Variants in CDH4 observed in about 807,000 individuals in gnomAD.
CDH4 encodes the protein cadherin 4.
CDH4 carries 33 observed loss-of-function variants against 86.0 expected under a neutral mutation model. The observed-to-expected ratio is 0.38, with a 90% confidence interval of 0.29 to 0.51. The LOEUF is 0.51. Among genes scored for constraint, CDH4 ranks in the 20% least tolerant of loss-of-function variants. CDH4 has a pLI of 0.86. For missense variants in CDH4, 1,114 were observed against 1,307.4 expected, an observed-to-expected ratio of 0.85 and a Z score of 2.28; for synonymous variants, 555 against 549.4, an observed-to-expected ratio of 1.01 and a Z score of -0.14.
chr20:61,316,975 G>A (rs1313349800), intron 2 of CDH4, among the ~76,000 whole-genome samples: 4 of 151,916 alleles, frequency 2.6e-5, no homozygotes, highest in Non-Finnish European at 4.4e-5. Flanking sequence ...GACGTGCCTT[G>A]CAGTGGAGTG....
intron 2 of CDH4, among the ~76,000 whole-genome samples, chr20:61,416,006 T>TC (rs777884836): frequency 3.2e-5 from 4 of 126,102 alleles, no homozygotes; most frequent in South Asian, 5.5e-4. Context: ...GGCCTCTCCT[T>TC]CCTTTTTTTT....
At chr20:61,466,794 T>G (rs915218822) in intron 2 of CDH4, among the ~76,000 whole-genome samples, 4 of 150,382 alleles carry the variant, frequency 2.7e-5, no homozygotes. Flanking sequence ...GAGGTTGCAT[T>G]GAGCCAAGAA....
At chr20:61,279,713 G>A (rs900946364) in intron 2 of CDH4, among the ~76,000 whole-genome samples, 4 of 152,258 alleles carry the variant, frequency 2.6e-5, no homozygotes, top group African/African-American at 7.2e-5. Flanking sequence ...TCCAATTTCC[G>A]AGAAATGGGG....
chr20:61,312,861 C>T (rs1263763701), intron 2 of CDH4, among the ~76,000 whole-genome samples: 1 of 152,212 alleles, frequency 6.6e-6, no homozygotes, highest in African/African-American at 2.4e-5. Flanking sequence ...ATTTCCCACC[C>T]ATCCTCGGCT....
intron 2 of CDH4, among the ~76,000 whole-genome samples, chr20:61,655,976 GCTTC>G (rs1434593474): frequency 2.6e-5 from 4 of 152,360 alleles, no homozygotes; most frequent in Non-Finnish European, 4.4e-5. Flanking sequence ...GAGGGTGACA[GCTTC>G]AGATATCGTG....
intron 2 of CDH4, among the ~76,000 whole-genome samples, chr20:61,581,968 G>A (rs193051298): frequency 5.1e-4 from 78 of 152,320 alleles, no homozygotes; most frequent in Admixed American, 9.8e-4. Context: ...GGGTCCCAGC[G>A]TTCGGCATGG....
At chr20:61,522,618 C>T (rs1183039060) in intron 2 of CDH4, among the ~76,000 whole-genome samples, 4 of 152,196 alleles carry the variant, frequency 2.6e-5, no homozygotes, top group African/African-American at 4.8e-5. Context: ...GATTCATTTT[C>T]CCCCCAGCCA....
chr20:61,749,035 A>G (rs1037321577), intron 3 of CDH4, among the ~76,000 whole-genome samples: 1 of 130,304 alleles, frequency 7.7e-6, no homozygotes, highest in South Asian at 2.7e-4. Context: ...GTAAAATCCT[A>G]GAGAAATAAA....
chr20:61,385,838 G>T (rs1232018236), intron 2 of CDH4, among the ~76,000 whole-genome samples: 3 of 151,780 alleles, frequency 2.0e-5, no homozygotes, highest in Non-Finnish European at 2.9e-5. Context: ...TACTCAAAGA[G>T]CCCCCGAGTG....
At chr20:61,593,649 T>G (rs1297353554) in intron 2 of CDH4, among the ~76,000 whole-genome samples, 2 of 152,144 alleles carry the variant, frequency 1.3e-5, no homozygotes, top group Admixed American at 1.3e-4. Context: ...TGTTGAATGG[T>G]GGATTTTTTT....
intron 2 of CDH4, among the ~76,000 whole-genome samples, chr20:61,635,839 G>A (rs895183060): frequency 1.3e-5 from 2 of 152,048 alleles, no homozygotes; most frequent in African/African-American, 2.4e-5. Flanking sequence ...GAGCCTGCCC[G>A]CCCATAGTTG....
intron 7 of CDH4, among the ~76,000 whole-genome samples, chr20:61,881,141 G>C (rs547510598): frequency 6.6e-6 from 1 of 152,192 alleles, no homozygotes; most frequent in African/African-American, 2.4e-5. Flanking sequence ...CATGCTGAGC[G>C]GGGTCACAGC....
chr20:61,493,504 C>T lies in CDH4; in HGVS notation c.169+238567C>T, dbSNP rs189336120. On this transcript the variant is annotated intron_variant, in intron 2 of 15. Transcript: ENST00000614565. ...GCTGATGCGCTGCCTTAGGCAATGC[C>T]TCTACGGCTACAACCCGTGTGCCAT... Among the ~76,000 whole-genome samples, 522 of 152,334 alleles carry T rather than the reference C, an allele frequency of 3.4e-3. 2 individuals carry two copies. Among genetic ancestry groups the T allele is most frequent in the African/African-American group, 0.012 (510 of 41,560 alleles).
intron 9 of CDH4, among the ~76,000 whole-genome samples, chr20:61,916,986 T>G (rs2054909361): frequency 6.6e-6 from 1 of 152,220 alleles, no homozygotes; most frequent in African/African-American, 2.4e-5. Context: ...AGGAGAGCAC[T>G]CCTGGGCAAC....
chr20:61,930,961 T>C, intron 13 of CDH4, among the ~76,000 whole-genome samples: 1 of 151,586 alleles, frequency 6.6e-6, no homozygotes, highest in African/African-American at 2.4e-5. Context: ...GCAGGAGACC[T>C]GGGCCACTCT....
At chr20:61,588,110 G>A (rs570542048) in intron 2 of CDH4, among the ~76,000 whole-genome samples, 2 of 152,308 alleles carry the variant, frequency 1.3e-5, no homozygotes, top group South Asian at 4.1e-4. Flanking sequence ...AAGCCAGCGT[G>A]CAGAGACTTA....
At chr20:61,309,906 G>A (rs1375289418) in intron 2 of CDH4, among the ~76,000 whole-genome samples, 2 of 152,326 alleles carry the variant, frequency 1.3e-5, no homozygotes, top group South Asian at 2.1e-4. Context: ...GAAGGACATG[G>A]AGCAGAAGTG....
At chr20:61,652,294 C>T (rs965915996) in intron 2 of CDH4, among the ~76,000 whole-genome samples, 1 of 152,170 alleles carries the variant, frequency 6.6e-6, no homozygotes, top group Non-Finnish European at 1.5e-5. Context: ...CCTTTGTATA[C>T]GCAGCTATGT....
At chr20:61,714,038 T>A (rs148757088) in intron 2 of CDH4, among the ~76,000 whole-genome samples, 1 of 139,690 alleles carries the variant, frequency 7.2e-6, no homozygotes, top group Admixed American at 7.3e-5. Context: ...TTTATTTTAT[T>A]TTATTTTATT....
Sources: allele counts gnomAD v4.1 joint callset (sites outside exome capture counted in the v4.1 genomes callset), GRCh38; gene constraint gnomAD v4.1.1; transcripts MANE v1.5; gene names NCBI Gene and HGNC (gene_info 2026-07-23, HGNC 2026-07-21).